PPP4R2: variants seen among roughly 807,000 people sequenced by gnomAD.
The protein encoded by PPP4R2 is serine/threonine-protein phosphatase 4 regulatory subunit 2.
PPP4R2 carries 13 observed loss-of-function variants against 47.2 expected under a neutral mutation model. The ratio of observed to expected loss-of-function variants is 0.28; its 90% CI spans 0.18 to 0.44. The LOEUF is 0.44. Among genes scored for constraint, PPP4R2 ranks in the 20% least tolerant of loss-of-function variants. The probability of loss-of-function intolerance (pLI) is 1.00; values close to 1 mark genes in which losing one functional copy is unlikely to be tolerated. For missense variants in PPP4R2, 421 were observed against 491.2 expected, an observed-to-expected ratio of 0.86 and a Z score of 1.35; for synonymous variants, 151 against 163.3, an observed-to-expected ratio of 0.92 and a Z score of 0.57.
intron 2 of PPP4R2, among the ~76,000 whole-genome samples, chr3:73,039,027 A>AC (rs1559559456): frequency 6.6e-6 from 1 of 152,244 alleles, no homozygotes; most frequent in African/African-American, 2.4e-5. Flanking sequence ...CCATCTTCAG[A>AC]TAGAAGTTTA....
chr3:73,000,038 T>C (rs1701427347), intron 2 of PPP4R2, among the ~76,000 whole-genome samples: 1 of 152,216 alleles, frequency 6.6e-6, no homozygotes, highest in Admixed American at 6.5e-5. Context: ...AATGAAAATT[T>C]AAAGAACAGC....
At chr3:73,032,395 TCTCCTGCCTCAGC>T (rs68058049) in intron 2 of PPP4R2, among the ~76,000 whole-genome samples, 63,541 of 151,612 alleles carry the variant, frequency 0.42, 14,091 homozygotes, top group African/African-American at 0.55. Context: ...TTCAAGCGAT[TCTCCTGCCTCAGC>T]CTCCTGAGTA....
chr3:73,065,170 G>T, intron 8 of PPP4R2, 29 bp downstream of exon 8: 1 of 1,548,538 alleles, frequency 6.5e-7, no homozygotes, highest in East Asian at 2.3e-5. Context: ...TAAAAGGGTG[G>T]AGTAAGGAGA....
intron 3 of PPP4R2, among the ~76,000 whole-genome samples, chr3:73,057,422 A>C (rs1702750922): frequency 6.6e-6 from 1 of 152,124 alleles, no homozygotes; most frequent in African/African-American, 2.4e-5. Context: ...AAAGCAAAAA[A>C]GTATTCTTCC....
intron 2 of PPP4R2, among the ~76,000 whole-genome samples, chr3:73,021,327 TG>T (rs999268612): frequency 6.6e-6 from 1 of 151,598 alleles, no homozygotes; most frequent in Non-Finnish European, 1.5e-5. Context: ...TCAATCTCCC[TG>T]GCTCAGGTGA....
chr3:73,014,700 C>A (rs888541116), intron 2 of PPP4R2, among the ~76,000 whole-genome samples: 1 of 151,822 alleles, frequency 6.6e-6, no homozygotes, highest in African/African-American at 2.4e-5. Flanking sequence ...TTTTTTATTG[C>A]CACTTGTAAT....
chr3:73,036,044 T>G (rs528083461), intron 2 of PPP4R2, among the ~76,000 whole-genome samples: 1 of 152,304 alleles, frequency 6.6e-6, no homozygotes, highest in East Asian at 1.9e-4. Context: ...CACAGTGAAA[T>G]ACAGTCCAAT....
intron 2 of PPP4R2, among the ~76,000 whole-genome samples, chr3:73,011,218 G>A (rs545985349): frequency 3.9e-5 from 6 of 152,170 alleles, no homozygotes; most frequent in African/African-American, 1.4e-4. Context: ...GGTGGCTCAC[G>A]CCTGTAATCG....
intron 3 of PPP4R2, among the ~76,000 whole-genome samples, chr3:73,056,121 A>G (rs773700044): frequency 6.6e-6 from 1 of 152,198 alleles, no homozygotes; most frequent in Admixed American, 6.5e-5. Flanking sequence ...TGTCTAATGG[A>G]TGAGTATCAG....
At chr3:73,061,851 C>T in intron 5 of PPP4R2, 1 of 438,790 alleles carries the variant, frequency 2.3e-6, no homozygotes, top group African/African-American at 2.1e-5. Context: ...ATGTGAACCA[C>T]CACACCCAGC....
At chr3:73,017,778 G>T (rs1202173585) in intron 2 of PPP4R2, among the ~76,000 whole-genome samples, 2 of 151,808 alleles carry the variant, frequency 1.3e-5, no homozygotes, top group Non-Finnish European at 2.9e-5. Context: ...CCAGGCTGGA[G>T]TGTAGTGGCT....
chr3:73,032,367 C>T (rs139093941), intron 2 of PPP4R2, among the ~76,000 whole-genome samples: 1 of 151,776 alleles, frequency 6.6e-6, no homozygotes, highest in East Asian at 2.0e-4. Context: ...CGGCTCATTG[C>T]AACCTCCAAC....
chr3:73,018,696 T>G (rs1701900458), intron 2 of PPP4R2, among the ~76,000 whole-genome samples: 1 of 152,204 alleles, frequency 6.6e-6, no homozygotes, highest in Admixed American at 6.5e-5. Flanking sequence ...GAATATGCAG[T>G]GTTCTACTGT....
intron 2 of PPP4R2, among the ~76,000 whole-genome samples, chr3:73,010,949 A>G (rs1172017646): frequency 6.6e-6 from 1 of 152,190 alleles, no homozygotes; most frequent in Non-Finnish European, 1.5e-5. Flanking sequence ...TACTATCTGA[A>G]GTAGGTCTTT....
At chr3:73,064,700 G>A in intron 7 of PPP4R2, 152 bp from the exon 8 acceptor site, 1 of 711,922 alleles carries the variant, frequency 1.4e-6, no homozygotes, top group Non-Finnish European at 2.3e-6. Flanking sequence ...AGTTTACCTT[G>A]AAATTATTCT....
chr3:73,013,545 C>T (rs968030729), intron 2 of PPP4R2, among the ~76,000 whole-genome samples: 1 of 152,062 alleles, frequency 6.6e-6, no homozygotes, highest in Non-Finnish European at 1.5e-5. Context: ...ACAGAATGTT[C>T]TGTACACATA....
chr3:73,052,068 T>G (rs1254241117), intron 3 of PPP4R2, among the ~76,000 whole-genome samples: 3 of 152,118 alleles, frequency 2.0e-5, no homozygotes, highest in Non-Finnish European at 4.4e-5. Context: ...ATATAGTAGG[T>G]TCTTAAACAG....
chr3:73,003,491 C>T (rs1039284472), intron 2 of PPP4R2, among the ~76,000 whole-genome samples: 7 of 152,014 alleles, frequency 4.6e-5, no homozygotes, highest in African/African-American at 1.7e-4. Flanking sequence ...GCTGGGATTA[C>T]GGGCATAGTC....
intron 2 of PPP4R2, among the ~76,000 whole-genome samples, chr3:73,021,901 T>TATATATATA (rs146335669): frequency 2.5e-5 from 3 of 122,110 alleles, no homozygotes; most frequent in African/African-American, 9.0e-5. Context: ...TATATATATA[T>TATATATATA]TTTTTTTTTT....
Sources: gnomAD v4.1 joint callset for allele counts (sites outside exome capture counted in the v4.1 genomes callset) on GRCh38, gnomAD v4.1.1 for gene constraint, MANE v1.5 for transcripts, NCBI Gene and HGNC (gene_info 2026-07-23, HGNC 2026-07-21) for gene names.